Variants in LRRTM4 observed in about 807,000 individuals in gnomAD.
LRRTM4 encodes the protein leucine rich repeat transmembrane neuronal 4, also known as leucine-rich repeat transmembrane neuronal protein 4.
LRRTM4 carries 25 observed loss-of-function variants against 47.6 expected under a neutral mutation model. The observed-to-expected ratio is 0.53, with a 90% CI of 0.38 to 0.73. The LOEUF (loss-of-function observed/expected upper bound fraction) is 0.73, where lower values mean the gene tolerates loss of function less well. Ranked by LOEUF, LRRTM4 falls within the 30% of genes least tolerant of loss-of-function variation. The pLI, the probability that LRRTM4 is intolerant of heterozygous loss-of-function variation, is 0.00. For missense variants in LRRTM4, 638 were observed against 713.4 expected (o/e 0.89, Z 1.20); for synonymous variants, 311 against 269.5 (o/e 1.15, Z -1.51).
chr2:77,299,180 G>GAC (rs1677054759), intron 3 of LRRTM4, among the ~76,000 whole-genome samples: 1 of 151,784 alleles, frequency 6.6e-6, no homozygotes, highest in Non-Finnish European at 1.5e-5. Flanking sequence ...CAACAATGCA[G>GAC]ACTAGCTTTA....
At position 77,421,370 on chromosome 2, in the gene LRRTM4, A is replaced by G. The variant is rs150539786; in HGVS notation, c.1551+96948T>C. ...GGTCATTGGCAATGTCTTAGATACC[A>G]TTTTAGTTGTCACATCTAGGGAAAT... On this transcript the variant is annotated intron_variant, in intron 3 of 3. Coordinates refer to ENST00000409884, the MANE Select transcript of LRRTM4 (RefSeq NM_001134745.3). Among the ~76,000 whole-genome samples the G allele has an allele frequency of 3.4e-3, 519 of 152,200 alleles. 4 individuals are homozygous for G. The highest frequency in any genetic ancestry group is 0.017 in the Middle Eastern group (5 of 294).
In LRRTM4 at chr2:77,263,253, C is replaced by T. The variant is rs563555912; in HGVS notation, c.1551+255065G>A. Among the ~76,000 whole-genome samples the T allele has an allele frequency of 2.6e-5, 4 of 152,154 alleles. No individual in the cohort carries two copies. In the East Asian group the frequency reaches 7.7e-4, roughly 29 times the overall value. Reference sequence around the variant, plus strand: ...CACTCCCTTTTCTTCACACCTTGTCCCCTGCATCTCTCCCATCTGGCTGTT... The same window carrying T: ...CACTCCCTTTTCTTCACACCTTGTCTCCTGCATCTCTCCCATCTGGCTGTT... On this transcript the variant is annotated intron_variant, in intron 3 of 3. Coordinates refer to ENST00000409884, the MANE Select transcript of LRRTM4 (RefSeq NM_001134745.3).
chr2:77,209,163 A>G (rs1463951466), intron 3 of LRRTM4, among the ~76,000 whole-genome samples: 1 of 152,094 alleles, frequency 6.6e-6, no homozygotes, highest in Non-Finnish European at 1.5e-5. Context: ...TATAAACTCA[A>G]CCTAGGAGAG....
chr2:77,506,520 C>T (rs976942896), intron 3 of LRRTM4, among the ~76,000 whole-genome samples: 2 of 151,520 alleles, frequency 1.3e-5, no homozygotes, highest in African/African-American at 2.4e-5. Context: ...TAACGTCAAA[C>T]ATGTAAAAAT....
chr2:76,909,683 A>G (rs1307778156), intron 3 of LRRTM4, among the ~76,000 whole-genome samples: 1 of 152,220 alleles, frequency 6.6e-6, no homozygotes, highest in African/African-American at 2.4e-5. Context: ...AAGTGGGCGA[A>G]GGACATGAAC....
intron 3 of LRRTM4, among the ~76,000 whole-genome samples, chr2:77,027,381 T>C (rs1324912484): frequency 6.6e-6 from 1 of 152,112 alleles, no homozygotes; most frequent in Non-Finnish European, 1.5e-5. Flanking sequence ...GTAGAATGAA[T>C]AGTCACAGCA....
At chr2:77,340,086 A>G (rs1671315139) in intron 3 of LRRTM4, among the ~76,000 whole-genome samples, 1 of 151,984 alleles carries the variant, frequency 6.6e-6, no homozygotes, top group Non-Finnish European at 1.5e-5. Context: ...AAATGATAAC[A>G]TATTTTCAAT....
chr2:76,760,413 G>T (rs1343750117), intron 3 of LRRTM4, among the ~76,000 whole-genome samples: 2 of 152,168 alleles, frequency 1.3e-5, no homozygotes, highest in African/African-American at 4.8e-5. Flanking sequence ...TGGCAAGGAA[G>T]GAAAGAAGAG....
chr2:77,427,781 C>A (rs1157175111), intron 3 of LRRTM4, among the ~76,000 whole-genome samples: 1 of 152,146 alleles, frequency 6.6e-6, no homozygotes, highest in Admixed American at 6.5e-5. Context: ...AGTTAAAATT[C>A]TTTGCTTATT....
At chr2:76,934,912 TA>T (rs1674890551) in intron 3 of LRRTM4, among the ~76,000 whole-genome samples, 2 of 151,838 alleles carry the variant, frequency 1.3e-5, no homozygotes. Context: ...ATGATTAAAG[TA>T]AAACTTTGGA....
intron 3 of LRRTM4, among the ~76,000 whole-genome samples, chr2:77,444,936 C>CAA: frequency 8.5e-6 from 1 of 117,878 alleles, no homozygotes; most frequent in African/African-American, 3.1e-5. Flanking sequence ...TTATTTTACA[C>CAA]ACACACACAC....
intron 3 of LRRTM4, among the ~76,000 whole-genome samples, chr2:77,286,895 A>G (rs991725707): frequency 3.9e-5 from 6 of 152,150 alleles, no homozygotes; most frequent in Admixed American, 1.3e-4. Context: ...TAAAGAAAAT[A>G]CTTCACTCAC....
At chr2:77,253,302 G>C (rs1244068883) in intron 3 of LRRTM4, among the ~76,000 whole-genome samples, 7 of 152,054 alleles carry the variant, frequency 4.6e-5, no homozygotes, top group Admixed American at 4.6e-4. Flanking sequence ...ACTTTTACCT[G>C]GGTTGGACCT....
At chr2:77,066,674 T>C (rs1051106863) in intron 3 of LRRTM4, among the ~76,000 whole-genome samples, 19 of 152,152 alleles carry the variant, frequency 1.2e-4, no homozygotes, top group Admixed American at 1.2e-3. Context: ...ATACAAATCG[T>C]ATAGAGATAT....
intron 3 of LRRTM4, among the ~76,000 whole-genome samples, chr2:77,515,544 C>T (rs1462328514): frequency 6.6e-6 from 1 of 151,532 alleles, no homozygotes; most frequent in Non-Finnish European, 1.5e-5. Context: ...GCATTTGGTG[C>T]TAAGTTTTCC....
intron 3 of LRRTM4, among the ~76,000 whole-genome samples, chr2:77,121,111 G>A (rs189268689): frequency 1.3e-5 from 2 of 151,880 alleles, no homozygotes; most frequent in South Asian, 4.1e-4. Context: ...CTAGATAAAA[G>A]AATTAGTTTT....
intron 3 of LRRTM4, among the ~76,000 whole-genome samples, chr2:77,008,418 A>T (rs960149894): frequency 2.0e-4 from 30 of 152,186 alleles, no homozygotes; most frequent in African/African-American, 6.5e-4. Flanking sequence ...ATTCTTCAAC[A>T]TGTTTAAAAT....
intron 3 of LRRTM4, among the ~76,000 whole-genome samples, chr2:77,267,339 A>G (rs77807921): frequency 1.3e-5 from 2 of 152,156 alleles, no homozygotes; most frequent in South Asian, 4.1e-4. Context: ...GCCCTCTAGT[A>G]TAAGATCAAG....
intron 3 of LRRTM4, among the ~76,000 whole-genome samples, chr2:76,789,814 T>A (rs116448749): frequency 0.013 from 1,918 of 152,280 alleles, 43 homozygotes; most frequent in African/African-American, 0.044. Flanking sequence ...CATTTTATTA[T>A]TTTTTCCATA....
Sources: gnomAD v4.1 joint callset for allele counts (sites outside exome capture counted in the v4.1 genomes callset) on GRCh38, gnomAD v4.1.1 for gene constraint, MANE v1.5 for transcripts, NCBI Gene and HGNC (gene_info 2026-07-23, HGNC 2026-07-21) for gene names.